Variants in CYP4X1 observed in about 807,000 individuals in gnomAD.
The protein encoded by CYP4X1 is cytochrome P450 family 4 subfamily X member 1.
Under a neutral mutation model 57.9 loss-of-function variants are expected in CYP4X1, and 44 were observed. That is an observed-to-expected ratio of 0.76 (90% CI 0.60 to 0.98). CYP4X1 has a LOEUF of 0.98. CYP4X1 is among the 50% of genes least tolerant of loss of function. CYP4X1 has a pLI of 0.00. For missense variants in CYP4X1, 532 were observed against 623.9 expected (o/e 0.85, Z 1.57); for synonymous variants, 227 against 228.6 (o/e 0.99, Z 0.06).
the CYP4X1 span, chr1:46,967,710 C>T: frequency 1.3e-5 from 13 of 986,140 alleles, no homozygotes; most frequent in African/African-American, 1.8e-4. Context: ...GGTTAGGGAC[C>T]CTCCTGAGAT....
At chr1:47,000,358 T>C in the CYP4X1 span, among the ~76,000 whole-genome samples, 1 of 152,072 alleles carries the variant, frequency 6.6e-6, no homozygotes, top group Non-Finnish European at 1.5e-5. Context: ...AGTATCTTTT[T>C]AGCAGTGTGA....
At chr1:47,049,747 C>T (rs1413104641) in intron 11 of CYP4X1, among the ~76,000 whole-genome samples, 2 of 152,106 alleles carry the variant, frequency 1.3e-5, no homozygotes, top group Non-Finnish European at 2.9e-5. Flanking sequence ...ATGCAGTCCA[C>T]CTTCAAAGCA....
the CYP4X1 span, among the ~76,000 whole-genome samples, chr1:46,966,945 T>G: frequency 6.6e-6 from 1 of 152,160 alleles, no homozygotes; most frequent in African/African-American, 2.4e-5. Context: ...ACTGGCAGAT[T>G]AAGTAGACCC....
chr1:47,045,929 C>T (rs538231589), intron 8 of CYP4X1, among the ~76,000 whole-genome samples: 13 of 152,290 alleles, frequency 8.5e-5, no homozygotes, highest in Admixed American at 5.9e-4. Flanking sequence ...TGCTGCTGTC[C>T]TCTGCCTTTC....
At chr1:47,038,293 A>G (rs199498728) in intron 6 of CYP4X1, among the ~76,000 whole-genome samples, 2 of 152,278 alleles carry the variant, frequency 1.3e-5, no homozygotes, top group East Asian at 3.9e-4. Context: ...TCCTTCAATT[A>G]TAAATATATT....
the CYP4X1 span, among the ~76,000 whole-genome samples, chr1:46,979,509 A>G: frequency 6.6e-6 from 1 of 152,196 alleles, no homozygotes; most frequent in Non-Finnish European, 1.5e-5. Context: ...AAAAGAGTCC[A>G]CAACCAGACA....
the CYP4X1 span, among the ~76,000 whole-genome samples, chr1:47,010,070 C>T: frequency 1.3e-5 from 2 of 152,166 alleles, no homozygotes; most frequent in Admixed American, 1.3e-4. Flanking sequence ...ATGAGGCCAG[C>T]ATCATCCTGA....
chr1:46,968,339 C>T, the CYP4X1 span, among the ~76,000 whole-genome samples: 8 of 152,156 alleles, frequency 5.3e-5, no homozygotes, highest in East Asian at 1.5e-3. Context: ...CCTTTCTCCA[C>T]ACTGAAGCCA....
chr1:46,978,004 C>G, the CYP4X1 span, among the ~76,000 whole-genome samples: 7 of 152,176 alleles, frequency 4.6e-5, no homozygotes, highest in East Asian at 9.6e-4. Context: ...ACAACCAGTA[C>G]CAGCCACTGC....
the CYP4X1 span, among the ~76,000 whole-genome samples, chr1:46,962,139 A>G: frequency 3.9e-5 from 6 of 152,068 alleles, no homozygotes; most frequent in Non-Finnish European, 8.8e-5. Context: ...GTTTTTCAAG[A>G]TGGAGTTTCA....
At chr1:46,977,046 A>C in the CYP4X1 span, among the ~76,000 whole-genome samples, 1 of 152,194 alleles carries the variant, frequency 6.6e-6, no homozygotes, top group Non-Finnish European at 1.5e-5. Context: ...TAAAAATTCT[A>C]AAAACCAGGG....
At chr1:47,019,663 C>A (rs954110198), upstream of CYP4X1, among the ~76,000 whole-genome samples, 1 of 152,188 alleles carries the variant, frequency 6.6e-6, no homozygotes, top group African/African-American at 2.4e-5. Flanking sequence ...CTCCCTAGTT[C>A]TAGTCTTACC....
the CYP4X1 span, among the ~76,000 whole-genome samples, chr1:46,988,490 T>C: frequency 7.9e-5 from 12 of 152,204 alleles, 1 homozygote; most frequent in South Asian, 2.3e-3. Context: ...TCTGAAACTA[T>C]TGCAAGCAAT....
At chr1:47,012,235 A>AG in the CYP4X1 span, among the ~76,000 whole-genome samples, 1 of 152,254 alleles carries the variant, frequency 6.6e-6, no homozygotes, top group Non-Finnish European at 1.5e-5. Context: ...AGCCATAAAA[A>AG]AGATGAGTTC....
chr1:47,001,069 C>T, the CYP4X1 span: 2 of 233,450 alleles, frequency 8.6e-6, no homozygotes, highest in South Asian at 8.0e-5. Flanking sequence ...AAATTGTTTC[C>T]CGATGCAGTT....
At chr1:47,052,815 A>T (rs887691582), downstream of CYP4X1, among the ~76,000 whole-genome samples, 5 of 152,170 alleles carry the variant, frequency 3.3e-5, no homozygotes, top group African/African-American at 4.8e-5. Context: ...AAAATAAAAT[A>T]AAAAAATGCC....
chr1:46,961,753 A>C, the CYP4X1 span: 1 of 1,312,190 alleles, frequency 7.6e-7, no homozygotes, highest in Non-Finnish European at 1.0e-6. Flanking sequence ...CCTCCAGTGG[A>C]TTGGTGAGTA....
upstream of CYP4X1, among the ~76,000 whole-genome samples, chr1:47,022,022 T>G (rs1644002861): frequency 6.6e-6 from 1 of 152,046 alleles, no homozygotes. Flanking sequence ...CATACAACCA[T>G]CATGATTTGG....
the CYP4X1 span, among the ~76,000 whole-genome samples, chr1:47,003,864 C>T: frequency 1.3e-5 from 2 of 152,142 alleles, no homozygotes; most frequent in African/African-American, 4.8e-5. Flanking sequence ...CCCTCTCCAC[C>T]GTCCCCGCCA....
Sources: gnomAD v4.1 joint callset for allele counts (sites outside exome capture counted in the v4.1 genomes callset) on GRCh38, gnomAD v4.1.1 for gene constraint, MANE v1.5 for transcripts, NCBI Gene and HGNC (gene_info 2026-07-23, HGNC 2026-07-21) for gene names.